Variants in BATF observed in about 807,000 individuals in gnomAD.
The protein encoded by BATF is basic leucine zipper transcriptional factor ATF-like.
A neutral mutation model predicts 13.7 loss-of-function variants in BATF; 5 were observed. The ratio of observed to expected loss-of-function variants is 0.36; its 90% CI spans 0.19 to 0.77. The LOEUF (loss-of-function observed/expected upper bound fraction) is 0.77. BATF is among the 30% of genes least tolerant of loss of function. The pLI, the probability that BATF is intolerant of heterozygous loss-of-function variation, is 0.51. For missense variants in BATF, 124 were observed against 163.0 expected (o/e 0.76, Z 1.30); for synonymous variants, 72 against 67.5 (o/e 1.07, Z -0.33).
chr14:75,546,422 C>T (rs1488039565), intron 2 of BATF, 40 bp from the exon 3 acceptor site: 1 of 1,608,002 alleles, frequency 6.2e-7, no homozygotes, highest in African/African-American at 1.3e-5. Flanking sequence ...TTGCCTCCTT[C>T]CTAGACACTA....
intron 2 of BATF, among the ~76,000 whole-genome samples, chr14:75,536,022 T>C (rs1887811089): frequency 6.6e-6 from 1 of 152,174 alleles, no homozygotes; most frequent in African/African-American, 2.4e-5. Flanking sequence ...TCAACAAATA[T>C]TTATCAGCCA....
chr14:75,533,955 A>C (rs972919179), intron 2 of BATF, among the ~76,000 whole-genome samples: 3 of 152,200 alleles, frequency 2.0e-5, no homozygotes, highest in Admixed American at 1.3e-4. Context: ...AGGTGTTTAC[A>C]TAAGGCCTAT....
rs749652841 is a variant in BATF at position 75,536,213 on chromosome 14, C to T, written c.169-10249C>T. On this transcript the variant is annotated intron_variant, in intron 2 of 2. Coordinates refer to ENST00000286639, the MANE Select transcript of BATF (RefSeq NM_006399.5). Reference sequence around the variant, plus strand: ...TGCAATGTGGAAAGTGTCTAAGGGACGGGATTGGGGCAGCGATCAGGGGAG... The same window carrying T: ...TGCAATGTGGAAAGTGTCTAAGGGATGGGATTGGGGCAGCGATCAGGGGAG... Among the ~76,000 whole-genome samples the T allele has an allele frequency of 2.6e-5, 4 of 152,062 alleles. No individual in the cohort carries two copies. The East Asian group carries it at 5.8e-4, about 22-fold the overall frequency.
intron 2 of BATF, among the ~76,000 whole-genome samples, chr14:75,539,254 CTA>C (rs775315521): frequency 7.9e-5 from 12 of 152,200 alleles, no homozygotes; most frequent in Admixed American, 1.3e-4. Context: ...CGGCATCAGT[CTA>C]TGTTGAAGGA....
intron 2 of BATF, among the ~76,000 whole-genome samples, chr14:75,540,793 G>A (rs927563618): frequency 1.3e-5 from 2 of 152,158 alleles, no homozygotes; most frequent in African/African-American, 4.8e-5. Flanking sequence ...TTCAATAAAT[G>A]TTAGTTATTG....
chr14:75,531,143 T>C (rs1237195972), intron 2 of BATF, among the ~76,000 whole-genome samples: 2 of 152,232 alleles, frequency 1.3e-5, no homozygotes, highest in African/African-American at 4.8e-5. Flanking sequence ...AATCTTGACG[T>C]TATCTTTTGA....
chr14:75,539,423 A>ATTTTTTTTT (rs1566768765), intron 2 of BATF, among the ~76,000 whole-genome samples: 2 of 14,104 alleles, frequency 1.4e-4, no homozygotes, highest in African/African-American at 1.8e-4. Context: ...GGTAAGCTGG[A>ATTTTTTTTT]ATTTTTTTTT....
intron 2 of BATF, among the ~76,000 whole-genome samples, chr14:75,541,604 A>C (rs1034841982): frequency 3.9e-5 from 6 of 152,160 alleles, no homozygotes; most frequent in Non-Finnish European, 5.9e-5. Context: ...GGTCACCAAA[A>C]CCGAGACCCA....
chr14:75,546,323 G>C, intron 2 of BATF, 139 bp from the exon 3 acceptor site: 2 of 804,976 alleles, frequency 2.5e-6, no homozygotes, highest in Non-Finnish European at 4.0e-6. Flanking sequence ...ATTCACACGT[G>C]CAGGAAAATT....
At chr14:75,525,987 G>C (rs1435518597) in intron 2 of BATF, among the ~76,000 whole-genome samples, 2 of 152,154 alleles carry the variant, frequency 1.3e-5, no homozygotes, top group Admixed American at 6.5e-5. Context: ...GTATCCCAAG[G>C]GGTCTATGAA....
At position 75,522,581 on chromosome 14, in the gene BATF, G is replaced by A; in HGVS notation, c.-102G>A. ...GCAGAGGAGGCACCTGTAGGGGGTG[G>A]TGGGCTGGTGGCCCAGGAGAAGTCA... On this transcript the variant is annotated 5_prime_UTR_variant, in exon 1 of 3. The change creates a new upstream start codon in the 5' untranslated region. Coordinates refer to ENST00000286639, the MANE Select transcript of BATF (RefSeq NM_006399.5). 1 of 1,360,462 alleles carries A rather than the reference G, an allele frequency of 7.4e-7. No individual in the cohort carries two copies. Among genetic ancestry groups the A allele is most frequent in the Non-Finnish European group, 1.0e-6 (1 of 956,936 alleles). 84.3% of individuals were successfully genotyped at this position (1,360,462 alleles called of 1,614,324 possible). A position where few individuals can be genotyped will look rare whatever the true frequency, so the allele number is the denominator to read the frequency against.
At chr14:75,538,342 T>A (rs1206057686) in intron 2 of BATF, among the ~76,000 whole-genome samples, 1 of 152,224 alleles carries the variant, frequency 6.6e-6, no homozygotes. Context: ...TCTTGATGCC[T>A]GCAACCACTC....
At chr14:75,532,732 AC>A (rs527728137) in intron 2 of BATF, among the ~76,000 whole-genome samples, 11 of 152,266 alleles carry the variant, frequency 7.2e-5, no homozygotes, top group Non-Finnish European at 1.3e-4. Flanking sequence ...TTATGCTGGT[AC>A]TAAAAATGAT....
rs990120410 is a variant in BATF, at chr14:75,522,523, A to G, written c.-160A>G. 4 of 676,306 alleles carry G rather than the reference A, an allele frequency of 5.9e-6. No homozygotes were observed. The highest frequency in any genetic ancestry group is 1.0e-5 in the Non-Finnish European group (4 of 391,170). 41.9% of individuals were successfully genotyped at this position (676,306 alleles called of 1,614,324 possible). A position where few individuals can be genotyped will look rare whatever the true frequency, so the allele number is the denominator to read the frequency against. On this transcript the variant is annotated 5_prime_UTR_variant, in exon 1 of 3. Transcript: ENST00000286639. Reference sequence around the variant, plus strand: ...AGTCCCTCTGCACCCCAGAGTGAGGAGGACGCAGGGGTCAGAGGTGGCTAC... The same window carrying G: ...AGTCCCTCTGCACCCCAGAGTGAGGGGGACGCAGGGGTCAGAGGTGGCTAC...
At chr14:75,541,853 A>G (rs552936716) in intron 2 of BATF, among the ~76,000 whole-genome samples, 47 of 152,238 alleles carry the variant, frequency 3.1e-4, no homozygotes, top group Admixed American at 1.6e-3. Flanking sequence ...TTGTAGAGAC[A>G]GGGCTTCACC....
At chr14:75,532,477 G>A (rs1415841794) in intron 2 of BATF, among the ~76,000 whole-genome samples, 1 of 152,060 alleles carries the variant, frequency 6.6e-6, no homozygotes, top group Non-Finnish European at 1.5e-5. Context: ...GATACAATTG[G>A]TATATCAAAT....
chr14:75,541,440 T>C (rs1055451000), intron 2 of BATF, among the ~76,000 whole-genome samples: 3 of 152,172 alleles, frequency 2.0e-5, no homozygotes. Context: ...CCTGGCTCTG[T>C]GTCTGGAGGA....
intron 2 of BATF, among the ~76,000 whole-genome samples, chr14:75,529,246 G>A (rs949508488): frequency 6.6e-6 from 1 of 152,212 alleles, no homozygotes; most frequent in Non-Finnish European, 1.5e-5. Context: ...GGAAAAGACA[G>A]AACATTGAAC....
At chr14:75,533,397 C>T (rs2140037834) in intron 2 of BATF, among the ~76,000 whole-genome samples, 1 of 144,188 alleles carries the variant, frequency 6.9e-6, no homozygotes, top group East Asian at 2.0e-4. Flanking sequence ...CACTGCACTC[C>T]AGCCAAGGCA....
Sources: allele counts gnomAD v4.1 joint callset (sites outside exome capture counted in the v4.1 genomes callset), GRCh38; gene constraint gnomAD v4.1.1; transcripts MANE v1.5; gene names NCBI Gene and HGNC (gene_info 2026-07-23, HGNC 2026-07-21).